The following NOB1 variants were observed in gnomAD, a reference collection of about 807,000 sequenced individuals.
NOB1 encodes NIN1 (RPN12) binding protein 1 homolog.
NOB1 carries 44 observed loss-of-function variants against 44.8 expected under a neutral mutation model. The ratio of observed to expected loss-of-function variants is 0.98; its 90% CI spans 0.77 to 1.26. The LOEUF is 1.26. NOB1 is among the 50% of genes most tolerant of loss of function. The pLI is 0.00. For synonymous variants in NOB1, 238 were observed against 218.7 expected, an observed-to-expected ratio of 1.09 and a Z score of -0.78; for missense variants, 560 against 544.8, an observed-to-expected ratio of 1.03 and a Z score of -0.28.
In NOB1 at chr16:69,745,033, G is replaced by A; in HGVS notation, c.825-16C>T. ...AGACGTTGTCCTGGGAGACACAAAA[G>A]GAGATGATCTGTACCAAAGCCACAG... On this transcript the variant is annotated splice_polypyrimidine_tract_variant and intron_variant, in intron 7 of 8. Coordinates refer to ENST00000268802, the MANE Select transcript of NOB1 (RefSeq NM_014062.3). 6.2e-7 allele frequency: 1 copy of A among 1,613,910 alleles called. No individual in the cohort carries two copies. The highest frequency in any genetic ancestry group is 8.5e-7 in the Non-Finnish European group (1 of 1,179,898).
At position 69,748,300 on chromosome 16, in the gene NOB1, C is replaced by T; in HGVS notation, c.756G>A (p.Val252=). ...QNVLLQMGLH[V]LAVNGMLIRE... is the part of the protein sequence containing the mutation. ...GAATCAGCATGCCGTTCACCGCCAG[C>T]ACGTGCAGCCCCATCTGCAGCAGAA... The change falls in exon 7 of 9, where the codon GTG becomes GTA. Residue 252 remains valine (V), a synonymous_variant. Transcript: ENST00000268802. 6.2e-7 allele frequency: 1 copy of T among 1,614,036 alleles called. No individual in the cohort carries two copies. The highest frequency in any genetic ancestry group is 1.1e-5 in the South Asian group (1 of 91,066).
At chr16:69,748,485 G>A (rs1303335240) in intron 6 of NOB1, among the ~76,000 whole-genome samples, 156 bp from the exon 7 acceptor site, 1 of 152,160 alleles carries the variant, frequency 6.6e-6, no homozygotes, top group Admixed American at 6.5e-5. Flanking sequence ...TGTAAACGAG[G>A]ACGAAGGCCC....
At position 69,744,921 on chromosome 16, in the gene NOB1, G is replaced by C; in HGVS notation, c.921C>G (p.His307Gln). 1 of 1,614,142 alleles carries C rather than the reference G, an allele frequency of 6.2e-7. No individual in the cohort carries two copies. The highest frequency in any genetic ancestry group is 8.5e-7 in the Non-Finnish European group (1 of 1,180,042). The change falls in exon 8 of 9, where the codon CAC (histidine) becomes CAG (glutamine). Residue 307 changes from histidine to glutamine, a missense_variant. Transcript: ENST00000268802. Reference protein sequence around the residue: ...SVTVSDDGTLHMHFSRNPKVL... With the variant: ...SVTVSDDGTLQMHFSRNPKVL... ...CCTTGGGGTTGCGGGAGAAGTGCATGTGCAGGGTGCCGTCGTCGCTGACGG... is the reference window on the plus strand; with the variant it reads ...CCTTGGGGTTGCGGGAGAAGTGCATCTGCAGGGTGCCGTCGTCGCTGACGG...
chr16:69,748,293 C>T lies in NOB1; in HGVS notation c.763G>A (p.Val255Met). Residue 255 changes from valine to methionine, a missense_variant, in exon 7 of 9, where the codon GTG becomes ATG. Val to Met is a conservative substitution (Grantham distance 21, BLOSUM62 1). Coordinates refer to ENST00000268802, the MANE Select transcript of NOB1 (RefSeq NM_014062.3). ...LLQMGLHVLA[V>M]NGMLIREARS... ...GCCTCACGAATCAGCATGCCGTTCACCGCCAGCACGTGCAGCCCCATCTGC... is the reference window on the plus strand; with the variant it reads ...GCCTCACGAATCAGCATGCCGTTCATCGCCAGCACGTGCAGCCCCATCTGC... The T allele has an allele frequency of 6.2e-7, 1 of 1,614,074 alleles. No individual in the cohort carries two copies. Among genetic ancestry groups the T allele is most frequent in the Non-Finnish European group, 8.5e-7 (1 of 1,179,944 alleles).
Position 69,744,920 on chromosome 16 carries a change from TG to T in NOB1, c.921del (p.His307GlnfsTer11). On this transcript the variant is annotated frameshift_variant, in exon 8 of 9. Transcript: ENST00000268802. LOFTEE classifies it high-confidence loss of function. ...SVTVSDDGTLHMHFSRNPKVL... is the reference protein window; with the variant it reads ...SVTVSDDGTLXMHFSRNPKVL... ...ACCTTGGGGTTGCGGGAGAAGTGCATGTGCAGGGTGCCGTCGTCGCTGACGG... is the reference window on the plus strand; with the variant it reads ...ACCTTGGGGTTGCGGGAGAAGTGCATTGCAGGGTGCCGTCGTCGCTGACGG... 6.2e-7 allele frequency: 1 copy of T among 1,614,094 alleles called. No individual in the cohort carries two copies. Among genetic ancestry groups the T allele is most frequent in the Non-Finnish European group, 8.5e-7 (1 of 1,180,024 alleles).
chr16:69,754,680 A>G lies in NOB1; in HGVS notation c.110T>C (p.Ile37Thr), dbSNP rs1382529224. The change falls in exon 2 of 9, where the codon ATT becomes ACT. Residue 37 changes from isoleucine to threonine, a missense_variant. Coordinates refer to ENST00000268802, the MANE Select transcript of NOB1 (RefSeq NM_014062.3). ...IYTIREVVTEIRDKATRRRLA... is the reference protein window; with the variant it reads ...IYTIREVVTETRDKATRRRLA... ...CCGCCTGCGTGTGGCCTTGTCCCGA[A>G]TCTCAGTGACCACCTCCCGGATGGT... 6.2e-7 allele frequency: 1 copy of G among 1,614,090 alleles called. No homozygotes were observed. Among genetic ancestry groups the G allele is most frequent in the Non-Finnish European group, 8.5e-7 (1 of 1,180,046 alleles).
chr16:69,754,829 C>G lies in NOB1; in HGVS notation c.63+19G>C. 5 of 1,605,330 alleles carry G rather than the reference C, an allele frequency of 3.1e-6. No individual in the cohort carries two copies. Among genetic ancestry groups the G allele is most frequent in the East Asian group, 2.2e-5 (1 of 44,524 alleles). On this transcript the variant is annotated intron_variant, in intron 1 of 8. Transcript: ENST00000268802. ...CGGCCAGCCCAGATCTCTCTCGTCC[C>G]GGAGGGAGCTCCCCGTACCTGCAGA...
At chr16:69,749,695 T>A in intron 3 of NOB1, 65 bp from the exon 4 acceptor site, 1 of 1,304,808 alleles carries the variant, frequency 7.7e-7, no homozygotes, top group Non-Finnish European at 1.1e-6. Context: ...TTTTTTTTTT[T>A]GGCCGGGCAC....
chr16:69,745,160 C>A, intron 7 of NOB1, 143 bp from the exon 8 acceptor site: 1 of 816,396 alleles, frequency 1.2e-6, no homozygotes, highest in East Asian at 2.7e-5. Flanking sequence ...ACGGAGGCCA[C>A]TGAAGCTGTC....
intron 8 of NOB1, among the ~76,000 whole-genome samples, chr16:69,744,570 C>T (rs182197043): frequency 3.5e-4 from 54 of 152,124 alleles, no homozygotes; most frequent in Non-Finnish European, 5.7e-4. Context: ...TTCCTCTCTG[C>T]GTCATGGGCT....
chr16:69,750,340 A>G (rs2038472748), intron 3 of NOB1, among the ~76,000 whole-genome samples: 1 of 152,078 alleles, frequency 6.6e-6, no homozygotes, highest in South Asian at 2.1e-4. Flanking sequence ...GAGAATAAAA[A>G]TAAAAAAATA....
rs573018839 is a variant in NOB1 at position 69,744,585 on chromosome 16, G to C, written c.969+288C>G. On this transcript the variant is annotated intron_variant, in intron 8 of 8. Coordinates refer to ENST00000268802, the MANE Select transcript of NOB1 (RefSeq NM_014062.3). ...TTCCTCTCTGCGTCATGGGCTTCCC[G>C]AGACCCTGCCCATCCTTCAACTCCT... is the stretch of plus-strand genomic sequence containing the variant. 2.0e-5 allele frequency among the ~76,000 whole-genome samples: 3 copies of C among 152,006 alleles called. No individual in the cohort carries two copies. The South Asian group carries it at 6.2e-4, about 32-fold the overall frequency.
intron 7 of NOB1, among the ~76,000 whole-genome samples, chr16:69,746,070 C>T (rs1487324742): frequency 2.6e-5 from 4 of 152,228 alleles, no homozygotes; most frequent in Admixed American, 6.5e-5. Context: ...AGGTATGGGC[C>T]GCTCTGAGGA....
At position 69,744,751 on chromosome 16, in the gene NOB1, G is replaced by GT. The variant is rs1457185978; in HGVS notation, c.969+121dup. 9.8e-6 allele frequency: 11 copies of GT among 1,125,986 alleles called. No homozygotes were observed. In the African/African-American group the frequency reaches 1.5e-4, roughly 16 times the overall value. 69.7% of individuals were successfully genotyped at this position (1,125,986 alleles called of 1,614,324 possible). On this transcript the variant is annotated intron_variant, in intron 8 of 8. Coordinates refer to ENST00000268802, the MANE Select transcript of NOB1 (RefSeq NM_014062.3). ...CACACACTCTCCCCACTCCGTCTTG[G>GT]TACCTAGGTCACAGGCTTTCAATCG...
In NOB1 at chr16:69,749,621, T is replaced by C; in HGVS notation, c.337A>G (p.Ser113Gly). 1 of 1,611,656 alleles carries C rather than the reference T, an allele frequency of 6.2e-7. No individual in the cohort carries two copies. The highest frequency in any genetic ancestry group is 1.1e-5 in the South Asian group (1 of 90,780). Reference protein sequence around the residue: ...LKQEPQKVKVSSSIQHPETPL... With the variant: ...LKQEPQKVKVGSSIQHPETPL... ...GTTTCTGGGTGCTGAATCGATGAGC[T>C]CACCTTAACCTTTAAAAAAACAAAA... The change falls in exon 4 of 9, where the codon AGC becomes GGC. Residue 113 changes from serine to glycine, a missense_variant. By Grantham distance (56) the Ser-to-Gly change is moderately conservative. Coordinates refer to ENST00000268802, the MANE Select transcript of NOB1 (RefSeq NM_014062.3).
chr16:69,742,218 G>T lies in NOB1; in HGVS notation c.*114C>A, dbSNP rs888076278. 21 of 1,372,868 alleles carry T rather than the reference G, an allele frequency of 1.5e-5. No homozygotes were observed. The highest frequency in any genetic ancestry group is 2.0e-5 in the Non-Finnish European group (20 of 997,960). The allele number at this position is 1,372,868 out of a possible 1,614,324, so 85.0% of individuals were successfully genotyped here. ...TGGGCGGACAGAGCCGCACCGTGAAGCCCGCCTGTTATTTCCATCGGGTGG... is the reference window on the plus strand; with the variant it reads ...TGGGCGGACAGAGCCGCACCGTGAATCCCGCCTGTTATTTCCATCGGGTGG... On this transcript the variant is annotated 3_prime_UTR_variant, in exon 9 of 9. Coordinates refer to ENST00000268802, the MANE Select transcript of NOB1 (RefSeq NM_014062.3).
At chr16:69,748,462 G>T (rs760850248) in intron 6 of NOB1, 133 bp from the exon 7 acceptor site, 2 of 738,736 alleles carry the variant, frequency 2.7e-6, no homozygotes, top group African/African-American at 1.8e-5. Context: ...GCCTGGGGAG[G>T]CCTCTCAAGA....
At position 69,749,204 on chromosome 16, in the gene NOB1, A is replaced by G. The variant is rs747904400; in HGVS notation, c.525+9T>C. The G allele has an allele frequency of 2.5e-6, 4 of 1,612,838 alleles. No homozygotes were observed. The South Asian group carries it at 3.3e-5, about 13-fold the overall frequency. ...GCTGTCGTCAGAAGACCAAAAGTCA[A>G]GGCCTCACCAGCAGCTCCTGCAGTT... On this transcript the variant is annotated intron_variant, in intron 5 of 8. Coordinates refer to ENST00000268802, the MANE Select transcript of NOB1 (RefSeq NM_014062.3).
Position 69,744,985 on chromosome 16 carries a change from G to A in NOB1, c.857C>T (p.Ser286Leu), listed in dbSNP as rs760833894. ...CTTCAGGGTCTTGTTCCCACAGTGTGAGCAGAACACTCGGCTCATGTCAGA... is the reference window on the plus strand; with the variant it reads ...CTTCAGGGTCTTGTTCCCACAGTGTAAGCAGAACACTCGGCTCATGTCAGA... ...TTSDMSRVFC[S>L]HCGNKTLKKV... Residue 286 changes from serine to leucine, a missense_variant, in exon 8 of 9, where the codon TCA becomes TTA. Transcript: ENST00000268802. 4.3e-6 allele frequency: 7 copies of A among 1,614,022 alleles called. No individual in the cohort carries two copies. The highest frequency in any genetic ancestry group is 4.0e-5 in the African/African-American group (3 of 74,906).
Sources: allele counts gnomAD v4.1 joint callset (sites outside exome capture counted in the v4.1 genomes callset), GRCh38; gene constraint gnomAD v4.1.1; transcripts MANE v1.5; gene names NCBI Gene and HGNC (gene_info 2026-07-23, HGNC 2026-07-21).